The following SNX29 variants were observed in gnomAD, a reference collection of about 807,000 sequenced individuals.
The protein encoded by SNX29 is sorting nexin-29.
SNX29 carries 78 observed loss-of-function variants against 102.1 expected under a neutral mutation model. The ratio of observed to expected loss-of-function variants is 0.76; its 90% CI spans 0.64 to 0.92. The LOEUF is 0.92. SNX29 is among the 40% of genes least tolerant of loss of function. The probability of loss-of-function intolerance (pLI) is 0.00; values close to 1 mark genes in which losing one functional copy is unlikely to be tolerated. For missense variants in SNX29, 1,280 were observed against 1,061.7 expected, an observed-to-expected ratio of 1.21 and a Z score of -2.86; for synonymous variants, 580 against 414.5, an observed-to-expected ratio of 1.40 and a Z score of -4.85.
chr16:12,254,763 TG>T (rs1368801362), intron 14 of SNX29, among the ~76,000 whole-genome samples: 6 of 152,042 alleles, frequency 3.9e-5, no homozygotes, highest in African/African-American at 1.4e-4. Flanking sequence ...TGGCTGCCGA[TG>T]GGGCAAATGA....
Position 12,570,378 on chromosome 16 carries a change from C to T in SNX29, c.*1749C>T, listed in dbSNP as rs2079161384. Reference sequence around the variant, plus strand: ...CATTGCTGCAATACACATGGTTTATCTGAAATTCCAAGGCCAGAGTGCACA... The same window carrying T: ...CATTGCTGCAATACACATGGTTTATTTGAAATTCCAAGGCCAGAGTGCACA... On this transcript the variant is annotated 3_prime_UTR_variant, in exon 21 of 21. Coordinates refer to ENST00000566228, the MANE Select transcript of SNX29 (RefSeq NM_032167.5). 1.2e-5 allele frequency: 5 copies of T among 431,128 alleles called. No individual in the cohort carries two copies. Among genetic ancestry groups the T allele is most frequent in the African/African-American group, 2.0e-5 (1 of 48,946 alleles). The allele number at this position is 431,128 out of a possible 1,614,324, so 26.7% of individuals were successfully genotyped here. A position where few individuals can be genotyped will look rare whatever the true frequency, so the allele number is the denominator to read the frequency against.
chr16:12,273,801 C>G (rs1027924198), intron 14 of SNX29, among the ~76,000 whole-genome samples: 2 of 152,204 alleles, frequency 1.3e-5, no homozygotes, highest in African/African-American at 4.8e-5. Flanking sequence ...CAACTAAGAC[C>G]TTCTCTGGAC....
chr16:12,502,543 G>A (rs2089176914), intron 19 of SNX29, among the ~76,000 whole-genome samples: 1 of 152,128 alleles, frequency 6.6e-6, no homozygotes, highest in Non-Finnish European at 1.5e-5. Flanking sequence ...GGTGGCCGGG[G>A]CCTCATTCCC....
chr16:12,556,340 G>A (rs75057976), intron 20 of SNX29: 3 of 152,188 alleles, frequency 2.0e-5, no homozygotes, highest in Admixed American at 6.5e-5. Flanking sequence ...CAGACCACTT[G>A]GACTTCACTC....
At chr16:12,325,071 C>T (rs116431318) in intron 15 of SNX29, among the ~76,000 whole-genome samples, 195 of 152,238 alleles carry the variant, frequency 1.3e-3, no homozygotes, top group African/African-American at 4.4e-3. Context: ...AATGTAACTG[C>T]CCCCAGTTTT....
At chr16:12,162,423 G>A (rs942924096) in intron 13 of SNX29, among the ~76,000 whole-genome samples, 2 of 152,222 alleles carry the variant, frequency 1.3e-5, no homozygotes, top group African/African-American at 2.4e-5. Context: ...TTGAGGGGCA[G>A]AGGGTAAATA....
chr16:12,481,525 C>T (rs958339726), intron 19 of SNX29, among the ~76,000 whole-genome samples: 11 of 94,954 alleles, frequency 1.2e-4, no homozygotes, highest in Admixed American at 8.9e-4. Flanking sequence ...CACACACACA[C>T]ACACACACAC....
intron 20 of SNX29, among the ~76,000 whole-genome samples, chr16:12,536,676 G>A (rs1046565029): frequency 6.6e-6 from 1 of 152,176 alleles, no homozygotes; most frequent in African/African-American, 2.4e-5. Flanking sequence ...GGAAGAGCTG[G>A]TATTAAGAGG....
At chr16:12,354,731 A>G (rs2082083533) in intron 15 of SNX29, among the ~76,000 whole-genome samples, 1 of 152,208 alleles carries the variant, frequency 6.6e-6, no homozygotes, top group African/African-American at 2.4e-5. Flanking sequence ...GCACAAAGGC[A>G]TTATTAGCAG....
intron 11 of SNX29, among the ~76,000 whole-genome samples, chr16:12,102,416 T>C (rs1487577265): frequency 6.6e-6 from 1 of 152,226 alleles, no homozygotes; most frequent in African/African-American, 2.4e-5. Flanking sequence ...CTCCACATCC[T>C]CTCCAGTGTC....
chr16:12,135,426 G>A, intron 13 of SNX29: 3 of 1,009,920 alleles, frequency 3.0e-6, no homozygotes, highest in East Asian at 4.6e-5. Flanking sequence ...GGCCTGGACA[G>A]TTGGGTTGCT....
In SNX29 at chr16:12,543,562, C is replaced by T. The variant is rs142019119; in HGVS notation, c.2318+18721C>T. ...CCAGACTTCCACGCCCACTGAGCCA[C>T]GAGATCACGCTTCCGTGGTGCGTCC... is the stretch of plus-strand genomic sequence containing the variant. On this transcript the variant is annotated intron_variant, in intron 20 of 20. Coordinates refer to ENST00000566228, the MANE Select transcript of SNX29 (RefSeq NM_032167.5). Among the ~76,000 whole-genome samples the T allele has an allele frequency of 3.9e-3, 597 of 152,322 alleles. 2 individuals are homozygous for T. Among genetic ancestry groups the T allele is most frequent in the Non-Finnish European group, 5.7e-3 (389 of 68,030 alleles).
chr16:12,296,367 T>C (rs2079981870), intron 15 of SNX29, among the ~76,000 whole-genome samples: 1 of 152,148 alleles, frequency 6.6e-6, no homozygotes, highest in Non-Finnish European at 1.5e-5. Context: ...CCATGGCCCT[T>C]ATATATGGGG....
chr16:12,329,726 AG>A (rs1416056038), intron 15 of SNX29, among the ~76,000 whole-genome samples: 1 of 152,234 alleles, frequency 6.6e-6, no homozygotes, highest in African/African-American at 2.4e-5. Context: ...CCTCTGCTTC[AG>A]ATCACTCAGG....
At chr16:12,567,818 C>G (rs544914375) in intron 20 of SNX29, among the ~76,000 whole-genome samples, 1 of 152,268 alleles carries the variant, frequency 6.6e-6, no homozygotes, top group African/African-American at 2.4e-5. Flanking sequence ...GCTGAGCACC[C>G]TCTGCTCTCA....
chr16:12,241,340 G>A (rs1247895532), intron 14 of SNX29, among the ~76,000 whole-genome samples: 1 of 152,144 alleles, frequency 6.6e-6, no homozygotes, highest in African/African-American at 2.4e-5. Flanking sequence ...CGTTAAAAGG[G>A]GGTTTATTGA....
At chr16:12,354,767 A>G (rs565344644) in intron 15 of SNX29, among the ~76,000 whole-genome samples, 31 of 152,352 alleles carry the variant, frequency 2.0e-4, no homozygotes, top group African/African-American at 7.0e-4. Flanking sequence ...TTAAAGGCCC[A>G]AAGACGATCG....
chr16:12,131,015 C>T (rs1444212655), intron 13 of SNX29, among the ~76,000 whole-genome samples: 1 of 151,964 alleles, frequency 6.6e-6, no homozygotes, highest in Non-Finnish European at 1.5e-5. Context: ...TGGAAATATT[C>T]CTGGAAGTAG....
chr16:12,519,238 T>C (rs544154238), intron 19 of SNX29, among the ~76,000 whole-genome samples: 4 of 152,314 alleles, frequency 2.6e-5, no homozygotes, highest in Non-Finnish European at 5.9e-5. Context: ...TCTGTGGACC[T>C]CCGTGAACAG....
Sources: allele counts gnomAD v4.1 joint callset (sites outside exome capture counted in the v4.1 genomes callset), GRCh38; gene constraint gnomAD v4.1.1; transcripts MANE v1.5; gene names NCBI Gene and HGNC (gene_info 2026-07-23, HGNC 2026-07-21).